Variants in EDEM2 observed in about 807,000 individuals in gnomAD.
EDEM2 encodes the protein ER degradation enhancing alpha-mannosidase like protein 2.
EDEM2 carries 39 observed loss-of-function variants against 64.8 expected under a neutral mutation model. The observed-to-expected ratio is 0.60, with a 90% CI of 0.47 to 0.79. The LOEUF (loss-of-function observed/expected upper bound fraction) is 0.79. Among genes scored for constraint, EDEM2 ranks in the 30% least tolerant of loss-of-function variants. The pLI, the probability that EDEM2 is intolerant of heterozygous loss-of-function variation, is 0.00. For synonymous variants in EDEM2, 296 were observed against 291.5 expected (o/e 1.02, Z -0.16); for missense variants, 609 against 731.3 (o/e 0.83, Z 1.93).
At chr20:35,136,832 T>C (rs1189109066) in intron 5 of EDEM2, among the ~76,000 whole-genome samples, 1 of 149,870 alleles carries the variant, frequency 6.7e-6, no homozygotes, top group Non-Finnish European at 1.5e-5. Flanking sequence ...GAAAGCACAG[T>C]GTGACGTGTC....
rs12106268 is a variant in EDEM2, at chr20:35,144,774, T to A, written c.258+205A>T. ...TACATAACAGGTCCTCTATAAATGT[T>A]TGCTAAATAAATGAATCTGCATAAG... On this transcript the variant is annotated intron_variant, in intron 3 of 10. Transcript: ENST00000374492. Among the ~76,000 whole-genome samples, 845 of 152,352 alleles carry A rather than the reference T, an allele frequency of 5.5e-3. 9 individuals carry two copies. Among genetic ancestry groups the A allele is most frequent in the African/African-American group, 0.019 (792 of 41,572 alleles).
chr20:35,144,339 A>C (rs2085699435), intron 3 of EDEM2, among the ~76,000 whole-genome samples: 1 of 151,910 alleles, frequency 6.6e-6, no homozygotes, highest in African/African-American at 2.4e-5. Flanking sequence ...TTATTTCTTT[A>C]TAATTTTTTT....
chr20:35,138,489 C>G lies in EDEM2; in HGVS notation c.365-484G>C, dbSNP rs141890197. 3.0e-3 allele frequency among the ~76,000 whole-genome samples: 450 copies of G among 152,200 alleles called. 3 individuals are homozygous for G. The highest frequency in any genetic ancestry group is 0.01 in the African/African-American group (416 of 41,524). On this transcript the variant is annotated intron_variant, in intron 4 of 10. Coordinates refer to ENST00000374492, the MANE Select transcript of EDEM2 (RefSeq NM_018217.3). ...TTTGTCACTCTGTCTGTCTCCCAGT[C>G]ACCTGTCATACCTGGGGGGAAGGGG...
In EDEM2 at chr20:35,115,733, G is replaced by A. The variant is rs1473337649; in HGVS notation, c.1437C>T (p.Pro479=). 6.2e-7 allele frequency: 1 copy of A among 1,613,782 alleles called. No homozygotes were observed. The highest frequency in any genetic ancestry group is 8.5e-7 in the Non-Finnish European group (1 of 1,180,048). Reference sequence around the variant, plus strand: ...AGCAGTGCAGGGCGGCAGGGTCGATGGGGTGAGCTTCTGTGTTGAAGATGT... The same window carrying A: ...AGCAGTGCAGGGCGGCAGGGTCGATAGGGTGAGCTTCTGTGTTGAAGATGT... The part of the protein sequence containing the change: ...GGYIFNTEAH[P]IDPAALHCCQ... Residue 479 remains proline (P), a synonymous_variant, in exon 11 of 11, where the codon CCC becomes CCT. Transcript: ENST00000374492.
chr20:35,134,948 G>A lies in EDEM2; in HGVS notation c.492C>T (p.Ala164=). The A allele has an allele frequency of 6.2e-7, 1 of 1,613,852 alleles. No homozygotes were observed. The highest frequency in any genetic ancestry group is 8.5e-7 in the Non-Finnish European group (1 of 1,180,024). The change falls in exon 6 of 11, where the codon GCC becomes GCT. Residue 164 remains alanine, a splice_region_variant and synonymous_variant. Transcript: ENST00000374492. Reference sequence around the variant, plus strand: ...ATGGCATGCCAGTGGGGGTCTGAAAGGCTGAACAATCGACAAATTATGATC... The same window carrying A: ...ATGGCATGCCAGTGGGGGTCTGAAAAGCTGAACAATCGACAAATTATGATC... ...AEEAARKLLP[A]FQTPTGMPYG... is the part of the protein sequence containing the mutation.
At chr20:35,129,698 C>T (rs2085482931) in intron 7 of EDEM2, among the ~76,000 whole-genome samples, 2 of 152,110 alleles carry the variant, frequency 1.3e-5, no homozygotes, top group South Asian at 4.1e-4. Flanking sequence ...ATTCACTCAC[C>T]ACTCACTGAC....
intron 10 of EDEM2, among the ~76,000 whole-genome samples, chr20:35,116,824 C>A (rs1447246856): frequency 6.6e-6 from 1 of 151,672 alleles, no homozygotes; most frequent in Non-Finnish European, 1.5e-5. Flanking sequence ...GAGTTTCACT[C>A]TGTTGCCCAG....
chr20:35,134,114 C>T (rs972969828), intron 6 of EDEM2: 10 of 456,092 alleles, frequency 2.2e-5, no homozygotes, highest in Non-Finnish European at 4.4e-5. Flanking sequence ...CCTTAGAGAT[C>T]ATCTGGTCCA....
At chr20:35,143,881 C>T (rs917594538) in intron 3 of EDEM2, among the ~76,000 whole-genome samples, 42 of 150,896 alleles carry the variant, frequency 2.8e-4, no homozygotes, top group African/African-American at 1.0e-3. Flanking sequence ...GCCCTTTTTA[C>T]CTTTCTAAGC....
chr20:35,128,125 C>G (rs1028501762), intron 7 of EDEM2, among the ~76,000 whole-genome samples: 4 of 152,200 alleles, frequency 2.6e-5, no homozygotes, highest in Non-Finnish European at 5.9e-5. Flanking sequence ...GTGGCTCACA[C>G]CTGTAATCCC....
At chr20:35,139,067 A>C (rs1170399831) in intron 4 of EDEM2, among the ~76,000 whole-genome samples, 1 of 152,106 alleles carries the variant, frequency 6.6e-6, no homozygotes, top group Non-Finnish European at 1.5e-5. Flanking sequence ...AAAGGTCCCT[A>C]TGCAGGCCAG....
At chr20:35,140,020 A>C (rs1464954754) in intron 4 of EDEM2, among the ~76,000 whole-genome samples, 1 of 152,236 alleles carries the variant, frequency 6.6e-6, no homozygotes, top group Non-Finnish European at 1.5e-5. Context: ...CTAGAACCAT[A>C]CACCCAGCAA....
chr20:35,127,814 T>C (rs1177463350), intron 7 of EDEM2, among the ~76,000 whole-genome samples: 3 of 152,200 alleles, frequency 2.0e-5, no homozygotes, highest in African/African-American at 7.2e-5. Context: ...TATAACAACA[T>C]GTTGGTCAAC....
intron 4 of EDEM2, among the ~76,000 whole-genome samples, chr20:35,141,099 G>T (rs374808893): frequency 8.5e-6 from 1 of 117,188 alleles, no homozygotes; most frequent in Non-Finnish European, 1.6e-5. Context: ...CCGCCTGGGC[G>T]ACAGAGTGAG....
chr20:35,129,072 G>A (rs374930681), intron 7 of EDEM2, among the ~76,000 whole-genome samples: 2 of 151,702 alleles, frequency 1.3e-5, no homozygotes, highest in East Asian at 3.9e-4. Context: ...TTTGAGACCA[G>A]CCTGGCCAAC....
At chr20:35,123,254 G>A (rs2085389544) in intron 9 of EDEM2, among the ~76,000 whole-genome samples, 1 of 152,152 alleles carries the variant, frequency 6.6e-6, no homozygotes, top group Non-Finnish European at 1.5e-5. Flanking sequence ...GAGCTCAAAA[G>A]GAGTCAACCT....
rs540477792 is a variant in EDEM2 at position 35,130,215 on chromosome 20, G to A, written c.844+1427C>T. ...CCCAAGTAGTGGGGACTACAGGCAC[G>A]CACCATCATGCCCAGCAAATTTTTT... On this transcript the variant is annotated intron_variant, in intron 7 of 10. Coordinates refer to ENST00000374492, the MANE Select transcript of EDEM2 (RefSeq NM_018217.3). Among the ~76,000 whole-genome samples, 18 of 152,098 alleles carry A rather than the reference G, an allele frequency of 1.2e-4. No individual in the cohort carries two copies. The South Asian group carries it at 3.5e-3, about 30-fold the overall frequency.
intron 4 of EDEM2, among the ~76,000 whole-genome samples, chr20:35,141,487 T>A (rs922366328): frequency 6.6e-5 from 10 of 152,252 alleles, no homozygotes; most frequent in Admixed American, 6.5e-4. Flanking sequence ...GCCGGATTCC[T>A]AAACCAGGAT....
At position 35,126,502 on chromosome 20, in the gene EDEM2, G is replaced by A. The variant is rs1881459275; in HGVS notation, c.845-127C>T. On this transcript the variant is annotated intron_variant, in intron 7 of 10. Coordinates refer to ENST00000374492, the MANE Select transcript of EDEM2 (RefSeq NM_018217.3). ...AGGATGCAATGAGGCAAGGAGGCTA[G>A]ACAAGAGCATGGATTCTGGAGTCAA... The A allele has an allele frequency of 2.6e-6, 3 of 1,163,692 alleles. No homozygotes were observed. In the South Asian group the frequency reaches 4.5e-5, roughly 17 times the overall value. 72.1% of individuals were successfully genotyped at this position (1,163,692 alleles called of 1,614,324 possible).
Sources: allele counts gnomAD v4.1 joint callset (sites outside exome capture counted in the v4.1 genomes callset), GRCh38; gene constraint gnomAD v4.1.1; transcripts MANE v1.5; gene names NCBI Gene and HGNC (gene_info 2026-07-23, HGNC 2026-07-21).